The following PCNX2 variants were observed in gnomAD, a reference collection of about 807,000 sequenced individuals.
PCNX2 encodes the protein pecanex-like protein 2.
PCNX2 carries 168 observed loss-of-function variants against 223.8 expected under a neutral mutation model. That is an observed-to-expected ratio of 0.75 (90% CI 0.66 to 0.85). PCNX2 has a LOEUF of 0.85. PCNX2 is among the 40% of genes least tolerant of loss of function. The pLI, the probability that PCNX2 is intolerant of heterozygous loss-of-function variation, is 0.00. For synonymous variants in PCNX2, 1,006 were observed against 1,052.6 expected, an observed-to-expected ratio of 0.96 and a Z score of 0.86; for missense variants, 2,507 against 2,675.5, an observed-to-expected ratio of 0.94 and a Z score of 1.39.
chr1:233,308,391 G>A, the PCNX2 span, among the ~76,000 whole-genome samples: 47 of 152,050 alleles, frequency 3.1e-4, no homozygotes, highest in Admixed American at 2.0e-3. Context: ...TCCAGGAGGC[G>A]GAGGTTGCAG....
At chr1:233,010,933 C>T (rs114262402) in intron 28 of PCNX2, among the ~76,000 whole-genome samples, 1 of 152,198 alleles carries the variant, frequency 6.6e-6, no homozygotes, top group African/African-American at 2.4e-5. Flanking sequence ...TTTCCCCCAA[C>T]AAATTGGTCA....
intron 2 of PCNX2, 124 bp from the exon 3 acceptor site, chr1:233,262,289 A>G: frequency 8.0e-7 from 1 of 1,251,746 alleles, no homozygotes; most frequent in Non-Finnish European, 1.1e-6. Flanking sequence ...TTACATATAA[A>G]TCTTTTTTTG....
chr1:232,983,973 C>G lies in PCNX2; in HGVS notation c.*331G>C, dbSNP rs956872572. 6.2e-5 allele frequency: 13 copies of G among 211,056 alleles called. No homozygotes were observed. Among genetic ancestry groups the G allele is most frequent in the East Asian group, 1.0e-4 (1 of 10,034 alleles). The allele number at this position is 211,056 out of a possible 1,614,324, so 13.1% of individuals were successfully genotyped here. ...TGAATGGCTTTTGAGATTTCAGATT[C>G]TGGAACATGTGTGGTGCTGTCCGCG... On this transcript the variant is annotated 3_prime_UTR_variant, in exon 34 of 34. Transcript: ENST00000258229.
chr1:233,258,315 G>A lies in PCNX2; in HGVS notation c.1547C>T (p.Pro516Leu), dbSNP rs368011281. The change falls in exon 5 of 34, where the codon CCA (proline) becomes CTA (leucine). Residue 516 changes from proline (P) to leucine (L), a missense_variant. Coordinates refer to ENST00000258229, the MANE Select transcript of PCNX2 (RefSeq NM_014801.4). ...TTCATGGCTGGACTTACAAGACGATGGGTCAAGGTTAGTCTGGCCTTCCTT... is the reference window on the plus strand; with the variant it reads ...TTCATGGCTGGACTTACAAGACGATAGGTCAAGGTTAGTCTGGCCTTCCTT... ...VGKEGQTNLDPSSCKSSHEKR... is the reference protein window; with the variant it reads ...VGKEGQTNLDLSSCKSSHEKR... 6.2e-6 allele frequency: 10 copies of A among 1,613,860 alleles called. No homozygotes were observed. In the African/African-American group the frequency reaches 1.1e-4, roughly 17 times the overall value.
At chr1:233,079,454 G>A (rs116075572) in intron 23 of PCNX2, among the ~76,000 whole-genome samples, 1,921 of 151,260 alleles carry the variant, frequency 0.013, 37 homozygotes, top group African/African-American at 0.045. Context: ...GAAGCTGGGA[G>A]GAGGAGGAGG....
chr1:233,237,171 T>G (rs12141456), intron 8 of PCNX2, among the ~76,000 whole-genome samples, 191 bp from the exon 9 acceptor site: 16,949 of 152,250 alleles, frequency 0.11, 1,074 homozygotes, highest in Non-Finnish European at 0.14. Context: ...TCAATTACCC[T>G]GCATACATTG....
the PCNX2 span, among the ~76,000 whole-genome samples, chr1:233,301,866 A>G: frequency 6.9e-6 from 1 of 144,648 alleles, no homozygotes; most frequent in Non-Finnish European, 1.5e-5. Flanking sequence ...ATCTCAGCTC[A>G]CTGCAATCTC....
chr1:233,294,986 T>C (rs1022424976), intron 1 of PCNX2, among the ~76,000 whole-genome samples: 4 of 152,052 alleles, frequency 2.6e-5, no homozygotes, highest in Non-Finnish European at 5.9e-5. Context: ...CCAAACATTA[T>C]CCCAAGCTAC....
intron 21 of PCNX2, among the ~76,000 whole-genome samples, chr1:233,125,741 T>C (rs2102745029): frequency 6.6e-6 from 1 of 152,308 alleles, no homozygotes; most frequent in Middle Eastern, 3.4e-3. Context: ...GGGAGGATTA[T>C]TAGTTAAAAC....
In PCNX2 at chr1:233,139,975, T is replaced by TC. The variant is rs1246753230; in HGVS notation, c.3518-121_3518-120insG. Reference sequence around the variant, plus strand: ...TCAAAAGCTGCTAATTAAGAACTCGTGATACTAGACATGATATACCATTTT... The same window carrying TC: ...TCAAAAGCTGCTAATTAAGAACTCGTCGATACTAGACATGATATACCATTTT... On this transcript the variant is annotated intron_variant, in intron 19 of 33. Coordinates refer to ENST00000258229, the MANE Select transcript of PCNX2 (RefSeq NM_014801.4). The surrounding 1 kb of genome is among the most constrained non-coding windows in gnomAD (Gnocchi z 4.4). The TC allele has an allele frequency of 8.7e-6, 11 of 1,261,840 alleles. No homozygotes were observed. Among genetic ancestry groups the TC allele is most frequent in the Non-Finnish European group, 1.2e-5 (11 of 927,472 alleles). 78.2% of individuals were successfully genotyped at this position (1,261,840 alleles called of 1,614,324 possible).
At chr1:233,185,333 GAAGA>G (rs1395055498) in intron 15 of PCNX2, among the ~76,000 whole-genome samples, 1 of 152,076 alleles carries the variant, frequency 6.6e-6, no homozygotes, top group East Asian at 1.9e-4. Flanking sequence ...AAGGAGACAG[GAAGA>G]AAGAGACTTG....
intron 24 of PCNX2, among the ~76,000 whole-genome samples, chr1:233,055,404 C>T (rs754339263): frequency 1.1e-4 from 16 of 152,006 alleles, no homozygotes; most frequent in Non-Finnish European, 2.1e-4. Context: ...CCTTGCTTCC[C>T]GGTGGACAGC....
At chr1:233,231,700 C>T (rs776091742) in intron 9 of PCNX2, 107 of 979,872 alleles carry the variant, frequency 1.1e-4, no homozygotes, top group Non-Finnish European at 1.2e-4. Flanking sequence ...TGGGGAACTA[C>T]GTGTAACTCC....
At chr1:233,036,505 C>G (rs1355427725) in intron 25 of PCNX2, among the ~76,000 whole-genome samples, 1 of 151,922 alleles carries the variant, frequency 6.6e-6, no homozygotes, top group East Asian at 1.9e-4. Context: ...TGGTGCACAC[C>G]TGTAGTCCCA....
intron 17 of PCNX2, among the ~76,000 whole-genome samples, chr1:233,170,444 A>G (rs985248985): frequency 1.4e-4 from 21 of 152,150 alleles, no homozygotes; most frequent in African/African-American, 5.1e-4. Flanking sequence ...ATATTTCCTC[A>G]TTTGTGAAGT....
At chr1:233,174,699 C>A (rs1409098619) in intron 17 of PCNX2, among the ~76,000 whole-genome samples, 1 of 151,766 alleles carries the variant, frequency 6.6e-6, no homozygotes, top group African/African-American at 2.4e-5. Flanking sequence ...ACAAACAAAT[C>A]TAAACATAAT....
At chr1:233,088,702 T>C (rs1251440615) in intron 23 of PCNX2, among the ~76,000 whole-genome samples, 1 of 152,172 alleles carries the variant, frequency 6.6e-6, no homozygotes, top group East Asian at 1.9e-4. Flanking sequence ...CTGATTTGGT[T>C]AGTTTTCACC....
chr1:233,239,813 T>C (rs113219886), intron 8 of PCNX2, among the ~76,000 whole-genome samples: 1,902 of 152,296 alleles, frequency 0.012, 35 homozygotes, highest in African/African-American at 0.043. Flanking sequence ...TTTATGCAAA[T>C]GGTATATTAA....
chr1:233,264,179 T>G (rs1032416028), intron 1 of PCNX2, among the ~76,000 whole-genome samples: 2 of 152,214 alleles, frequency 1.3e-5, no homozygotes, highest in Non-Finnish European at 1.5e-5. Context: ...TATACCTTCC[T>G]AATTCTCTCC....
Sources: gnomAD v4.1 joint callset for allele counts (sites outside exome capture counted in the v4.1 genomes callset) on GRCh38, gnomAD v4.1.1 for gene constraint, Gnocchi (gnomAD v3.1) non-coding constraint, MANE v1.5 for transcripts, NCBI Gene and HGNC (gene_info 2026-07-23, HGNC 2026-07-21) for gene names.